PLEKHA7: variants seen among roughly 807,000 people sequenced by gnomAD.
The protein encoded by PLEKHA7 is pleckstrin homology domain containing A7, also known as pleckstrin homology domain-containing family A member 7.
Under a neutral mutation model 170.0 loss-of-function variants are expected in PLEKHA7, and 104 were observed. That is an observed-to-expected ratio of 0.61 (90% CI 0.52 to 0.72). The LOEUF is 0.72. Among genes scored for constraint, PLEKHA7 ranks in the 30% least tolerant of loss-of-function variants. The pLI, the probability that PLEKHA7 is intolerant of heterozygous loss-of-function variation, is 0.00. For missense variants in PLEKHA7, 1,615 were observed against 1,671.7 expected (o/e 0.97, Z 0.59); for synonymous variants, 648 against 660.8 (o/e 0.98, Z 0.30).
chr11:16,873,265 A>G (rs1855011686), intron 3 of PLEKHA7, among the ~76,000 whole-genome samples: 1 of 152,218 alleles, frequency 6.6e-6, no homozygotes, highest in Non-Finnish European at 1.5e-5. Context: ...CTAGGCCTAC[A>G]AAGTCTTTTT....
At chr11:17,005,338 C>T (rs576497424) in intron 3 of PLEKHA7, among the ~76,000 whole-genome samples, 9 of 152,244 alleles carry the variant, frequency 5.9e-5, no homozygotes, top group South Asian at 4.1e-4. Context: ...TTGAGACCAG[C>T]CTGGCCAACA....
chr11:16,887,526 T>C (rs910440974), intron 3 of PLEKHA7, among the ~76,000 whole-genome samples: 2 of 152,200 alleles, frequency 1.3e-5, no homozygotes, highest in Non-Finnish European at 1.5e-5. Flanking sequence ...GCCCAGTGCC[T>C]GGGATTGCAG....
intron 3 of PLEKHA7, among the ~76,000 whole-genome samples, chr11:16,982,838 G>C (rs1863521537): frequency 6.6e-6 from 1 of 151,750 alleles, no homozygotes; most frequent in Non-Finnish European, 1.5e-5. Flanking sequence ...GAGAGGGAGA[G>C]AGAGAGAGAG....
intron 8 of PLEKHA7, among the ~76,000 whole-genome samples, chr11:16,843,849 AT>A (rs1249185913): frequency 6.6e-6 from 1 of 152,156 alleles, no homozygotes; most frequent in Non-Finnish European, 1.5e-5. Flanking sequence ...AGGCATGAAA[AT>A]TGCTTGGACC....
At chr11:16,809,743 G>C (rs563404277) in intron 13 of PLEKHA7, among the ~76,000 whole-genome samples, 1 of 152,196 alleles carries the variant, frequency 6.6e-6, no homozygotes, top group African/African-American at 2.4e-5. Context: ...GGCCCTTTTA[G>C]AAAAGTCTTT....
intron 3 of PLEKHA7, among the ~76,000 whole-genome samples, chr11:16,935,949 CT>C (rs1420053169): frequency 5.9e-5 from 9 of 152,170 alleles, no homozygotes; most frequent in African/African-American, 2.2e-4. Flanking sequence ...CAAATTATGC[CT>C]TGTTGCAGTT....
intron 3 of PLEKHA7, among the ~76,000 whole-genome samples, chr11:16,992,886 C>A (rs1332528161): frequency 2.0e-5 from 3 of 152,166 alleles, no homozygotes; most frequent in Non-Finnish European, 4.4e-5. Context: ...TTAGGGCTAC[C>A]ATGAGGATTA....
At chr11:16,934,982 C>T (rs1299249860) in intron 3 of PLEKHA7, among the ~76,000 whole-genome samples, 2 of 152,200 alleles carry the variant, frequency 1.3e-5, no homozygotes, top group Non-Finnish European at 2.9e-5. Context: ...TAGGTGAAAT[C>T]TTAATGTACT....
At chr11:16,946,799 C>G (rs567822879) in intron 3 of PLEKHA7, among the ~76,000 whole-genome samples, 1 of 152,240 alleles carries the variant, frequency 6.6e-6, no homozygotes, top group East Asian at 1.9e-4. Context: ...ACACCCCCTC[C>G]CCCACAGAGA....
At chr11:16,985,205 C>T (rs1863653143) in intron 3 of PLEKHA7, among the ~76,000 whole-genome samples, 1 of 152,224 alleles carries the variant, frequency 6.6e-6, no homozygotes, top group Admixed American at 6.5e-5. Flanking sequence ...CAGGTGCCCA[C>T]TACACGTTTA....
At chr11:16,828,958 T>C (rs1850883146) in intron 9 of PLEKHA7, among the ~76,000 whole-genome samples, 1 of 152,092 alleles carries the variant, frequency 6.6e-6, no homozygotes, top group Admixed American at 6.6e-5. Flanking sequence ...CATCTAACCA[T>C]ATGTAAACCA....
At chr11:16,983,855 C>T (rs1863579022) in intron 3 of PLEKHA7, among the ~76,000 whole-genome samples, 1 of 152,126 alleles carries the variant, frequency 6.6e-6, no homozygotes, top group African/African-American at 2.4e-5. Context: ...AGAAGGCACC[C>T]AGGTCCATCT....
At chr11:16,795,720 C>T (rs546986370) in intron 17 of PLEKHA7, among the ~76,000 whole-genome samples, 15 of 151,428 alleles carry the variant, frequency 9.9e-5, no homozygotes, top group African/African-American at 3.1e-4. Context: ...ACCTGGGAGG[C>T]AGAGGTTGCA....
At chr11:16,892,886 C>T (rs114449311) in intron 3 of PLEKHA7, among the ~76,000 whole-genome samples, 2,375 of 152,244 alleles carry the variant, frequency 0.016, 61 homozygotes, top group African/African-American at 0.054. Context: ...AAGATCAAGA[C>T]GCCAGCACGT....
chr11:16,904,832 G>C (rs76670010), intron 3 of PLEKHA7, among the ~76,000 whole-genome samples: 2,378 of 152,170 alleles, frequency 0.016, 60 homozygotes, highest in African/African-American at 0.054. Flanking sequence ...GACATAAAAA[G>C]ATAACGCAAT....
chr11:16,804,026 A>T (rs1161607071), intron 13 of PLEKHA7, among the ~76,000 whole-genome samples: 1 of 152,240 alleles, frequency 6.6e-6, no homozygotes, highest in Non-Finnish European at 1.5e-5. Context: ...CACTTGACTC[A>T]AAGTAGGCAA....
intron 3 of PLEKHA7, among the ~76,000 whole-genome samples, chr11:16,950,240 TG>T (rs1389417263): frequency 1.3e-5 from 2 of 151,952 alleles, no homozygotes; most frequent in Non-Finnish European, 2.9e-5. Flanking sequence ...ATAGAACCAA[TG>T]GGCATGGACA....
chr11:16,985,442 G>C lies in PLEKHA7; in HGVS notation c.221+28547C>G, dbSNP rs190364128. On this transcript the variant is annotated intron_variant, in intron 3 of 26. Coordinates refer to ENST00000531066, the MANE Select transcript of PLEKHA7 (RefSeq NM_001329630.2). Reference sequence around the variant, plus strand: ...TGAAGAAATTTACAACAATGTGAGAGAGATGTAGACACAAAAAGGTGTAAC... The same window carrying C: ...TGAAGAAATTTACAACAATGTGAGACAGATGTAGACACAAAAAGGTGTAAC... Among the ~76,000 whole-genome samples, 231 of 151,944 alleles carry C rather than the reference G, an allele frequency of 1.5e-3. 1 individual carries two copies. Among genetic ancestry groups the C allele is most frequent in the African/African-American group, 5.4e-3 (223 of 41,422 alleles).
At chr11:16,824,651 T>A (rs1296642269) in intron 10 of PLEKHA7, among the ~76,000 whole-genome samples, 1 of 152,254 alleles carries the variant, frequency 6.6e-6, no homozygotes, top group Non-Finnish European at 1.5e-5. Flanking sequence ...CTATTTCCAT[T>A]GTCACCCTCC....
Sources: gnomAD v4.1 joint callset for allele counts (sites outside exome capture counted in the v4.1 genomes callset) on GRCh38, gnomAD v4.1.1 for gene constraint, MANE v1.5 for transcripts, NCBI Gene and HGNC (gene_info 2026-07-23, HGNC 2026-07-21) for gene names.